PEMT: variants seen among roughly 807,000 people sequenced by gnomAD.
The protein encoded by PEMT is phosphatidylethanolamine N-methyltransferase.
PEMT carries 23 observed loss-of-function variants against 27.4 expected under a neutral mutation model. The ratio of observed to expected loss-of-function variants is 0.84; its 90% confidence interval spans 0.60 to 1.19. The LOEUF (loss-of-function observed/expected upper bound fraction) is 1.19, where lower values mean the gene tolerates loss of function less well. PEMT is among the 50% of genes most tolerant of loss of function. The probability of loss-of-function intolerance (pLI) is 0.00; values close to 1 mark genes in which losing one functional copy is unlikely to be tolerated. For synonymous variants in PEMT, 137 were observed against 139.1 expected (o/e 0.98, Z 0.11); for missense variants, 307 against 310.1 (o/e 0.99, Z 0.07).
chr17:17,515,967 G>T (rs1202006107), intron 3 of PEMT, among the ~76,000 whole-genome samples: 1 of 152,122 alleles, frequency 6.6e-6, no homozygotes, highest in East Asian at 1.9e-4. Flanking sequence ...GGGCATCACT[G>T]CCCTCAGTGT....
At chr17:17,521,120 C>CA (rs1283203184) in intron 3 of PEMT, among the ~76,000 whole-genome samples, 1 of 152,264 alleles carries the variant, frequency 6.6e-6, no homozygotes, top group Admixed American at 6.5e-5. Flanking sequence ...GCGCCCCATC[C>CA]AAAGGGGGCA....
intron 2 of PEMT, among the ~76,000 whole-genome samples, chr17:17,537,116 C>T (rs938064633): frequency 2.6e-5 from 4 of 152,232 alleles, no homozygotes; most frequent in Admixed American, 1.3e-4. Context: ...TGCTCCTTTT[C>T]CCTGTCTGTC....
chr17:17,577,874 G>T (rs940536039), intron 1 of PEMT, among the ~76,000 whole-genome samples: 2 of 151,724 alleles, frequency 1.3e-5, no homozygotes, highest in Admixed American at 6.6e-5. Context: ...AAAATTAGCC[G>T]GGCATGGTGG....
chr17:17,558,851 A>G (rs2142682810), intron 2 of PEMT, among the ~76,000 whole-genome samples: 1 of 152,072 alleles, frequency 6.6e-6, no homozygotes, highest in South Asian at 2.1e-4. Flanking sequence ...CCCACCACCT[A>G]GCAGGAAGCA....
At chr17:17,532,137 C>T (rs917666973) in intron 2 of PEMT, among the ~76,000 whole-genome samples, 1 of 152,146 alleles carries the variant, frequency 6.6e-6, no homozygotes, top group African/African-American at 2.4e-5. Flanking sequence ...AGCAACAAGA[C>T]AATGAAAGGA....
chr17:17,570,414 G>A, intron 2 of PEMT: 1 of 678,494 alleles, frequency 1.5e-6, no homozygotes. Flanking sequence ...CCACTCAGAT[G>A]GCCTGGGCTT....
chr17:17,513,102 T>C lies in PEMT; in HGVS notation c.321-448A>G, dbSNP rs1019611460. Among the ~76,000 whole-genome samples, 172 of 152,270 alleles carry C rather than the reference T, an allele frequency of 1.1e-3. No individual in the cohort carries two copies. Among genetic ancestry groups the C allele is most frequent in the African/African-American group, 4.0e-3 (166 of 41,550 alleles). On this transcript the variant is annotated intron_variant, in intron 3 of 6. Transcript: ENST00000255389. The surrounding 1 kb of genome is among the most constrained non-coding windows in gnomAD (Gnocchi z 4.1). ...TTGCAGGGCAGGCCCAGGTGTCCCATTCCCCAACAGACTCAGTGCCCCGAG... is the reference window on the plus strand; with the variant it reads ...TTGCAGGGCAGGCCCAGGTGTCCCACTCCCCAACAGACTCAGTGCCCCGAG...
chr17:17,515,807 C>T (rs962007182), intron 3 of PEMT, among the ~76,000 whole-genome samples: 10 of 152,196 alleles, frequency 6.6e-5, no homozygotes, highest in African/African-American at 2.4e-4. Context: ...GGAAGTATTC[C>T]GCACTAGGGG....
intron 2 of PEMT, among the ~76,000 whole-genome samples, chr17:17,558,189 A>AACACACAC (rs59657645): frequency 2.0e-5 from 3 of 150,078 alleles, no homozygotes; most frequent in Non-Finnish European, 3.0e-5. Flanking sequence ...CACACATACA[A>AACACACAC]ACACACACAC....
chr17:17,586,154 AAAAG>A (rs141116424), intron 1 of PEMT, among the ~76,000 whole-genome samples: 4,261 of 146,434 alleles, frequency 0.029, 357 homozygotes, highest in African/African-American at 0.11. Flanking sequence ...GAAAGAAAGA[AAAAG>A]AAAGAGAAAA....
intron 2 of PEMT, among the ~76,000 whole-genome samples, chr17:17,551,529 AGTGGTCGGGCCTG>A (rs1336398365): frequency 1.3e-5 from 2 of 152,068 alleles, no homozygotes; most frequent in Admixed American, 1.3e-4. Flanking sequence ...CTGGCGTGGG[AGTGGTCGGGCCTG>A]TCTGGGGCTG....
chr17:17,592,120 T>A, upstream of PEMT: 1 of 982,554 alleles, frequency 1.0e-6, no homozygotes, highest in African/African-American at 1.8e-5. Flanking sequence ...CCCCACGCCC[T>A]CTTCTGAAAT....
At chr17:17,538,394 A>T (rs1908641809) in intron 2 of PEMT, among the ~76,000 whole-genome samples, 1 of 152,152 alleles carries the variant, frequency 6.6e-6, no homozygotes. Flanking sequence ...ATCTCTACAA[A>T]CAATTGAAAA....
intron 2 of PEMT, among the ~76,000 whole-genome samples, chr17:17,546,563 A>G (rs1879060766): frequency 6.6e-6 from 1 of 152,200 alleles, no homozygotes; most frequent in Non-Finnish European, 1.5e-5. Flanking sequence ...AAATTACAAG[A>G]TAACGGGATG....
At chr17:17,524,747 GA>G (rs1156979728) in intron 2 of PEMT, among the ~76,000 whole-genome samples, 1 of 151,814 alleles carries the variant, frequency 6.6e-6, no homozygotes, top group East Asian at 1.9e-4. Context: ...ACAAAGAAAA[GA>G]AAAAAAATTC....
intron 2 of PEMT, among the ~76,000 whole-genome samples, chr17:17,544,408 G>A (rs1255003380): frequency 6.6e-6 from 1 of 151,874 alleles, no homozygotes; most frequent in East Asian, 1.9e-4. Context: ...AGCCTCCCGA[G>A]TAGCTGGGAT....
At chr17:17,559,727 C>T (rs149470941) in intron 2 of PEMT, among the ~76,000 whole-genome samples, 5 of 152,282 alleles carry the variant, frequency 3.3e-5, no homozygotes, top group East Asian at 1.9e-4. Context: ...GAGGGGAGCC[C>T]GAGAACAGGA....
Position 17,544,064 on chromosome 17 carries a change from T to C in PEMT, c.205-21669A>G, listed in dbSNP as rs11650942. Among the ~76,000 whole-genome samples the C allele has an allele frequency of 9.6e-3, 1,454 of 151,580 alleles. 15 individuals are homozygous for C. Among genetic ancestry groups the C allele is most frequent in the Middle Eastern group, 0.017 (5 of 294 alleles). On this transcript the variant is annotated intron_variant, in intron 2 of 6. Coordinates refer to ENST00000255389, the MANE Select transcript of PEMT (RefSeq NM_148172.3). ...CTGGCAGCTTAGAGGGCAGACGTGG[T>C]CGGTGAGGGGGGCACTGGACGGGGG...
chr17:17,510,882 C>T (rs70963102), intron 4 of PEMT, among the ~76,000 whole-genome samples: 3,263 of 152,278 alleles, frequency 0.021, 53 homozygotes, highest in Non-Finnish European at 0.035. Context: ...GGGCCCCCGC[C>T]GCTGGTCTCC....
Sources: allele counts gnomAD v4.1 joint callset (sites outside exome capture counted in the v4.1 genomes callset), GRCh38; gene constraint gnomAD v4.1.1; non-coding constraint Gnocchi (gnomAD v3.1); transcripts MANE v1.5; gene names NCBI Gene and HGNC (gene_info 2026-07-23, HGNC 2026-07-21).